The following PRCC variants were observed in gnomAD, a reference collection of about 807,000 sequenced individuals.
PRCC encodes proline-rich protein PRCC.
PRCC carries 10 observed loss-of-function variants against 44.0 expected under a neutral mutation model. The observed-to-expected ratio is 0.23, with a 90% CI of 0.14 to 0.39. PRCC has a LOEUF of 0.39. Among genes scored for constraint, PRCC ranks in the 10% least tolerant of loss-of-function variants. PRCC has a pLI of 1.00. For missense variants in PRCC, 573 were observed against 624.7 expected (o/e 0.92, Z 0.88); for synonymous variants, 278 against 259.5 (o/e 1.07, Z -0.69).
At position 156,792,450 on chromosome 1, in the gene PRCC, T is replaced by TTTG. The variant is rs1558054082; in HGVS notation, c.1179+660_1179+661insGTT. Among the ~76,000 whole-genome samples the TTTG allele has an allele frequency of 4.6e-5, 7 of 152,060 alleles. No individual in the cohort carries two copies. In the South Asian group the frequency reaches 1.5e-3, roughly 32 times the overall value. ...TCTAGTTGTTTGTGTTTTTTTTGTT[T>TTTG]TTTGTTTGTTTGTTTTGAGCAGAGT... On this transcript the variant is annotated intron_variant, in intron 4 of 6. Transcript: ENST00000271526.
At chr1:156,782,222 A>C (rs1652071859) in intron 1 of PRCC, 60 bp from the exon 2 acceptor site, 1 of 1,457,844 alleles carries the variant, frequency 6.9e-7, no homozygotes. Flanking sequence ...TGCTATATTT[A>C]ATGTGTTTCC....
intron 1 of PRCC, among the ~76,000 whole-genome samples, chr1:156,768,863 T>G (rs1651518179): frequency 6.6e-6 from 1 of 152,172 alleles, no homozygotes; most frequent in Admixed American, 6.5e-5. Context: ...CATGCACGAT[T>G]TTACCTGGTA....
At chr1:156,790,974 A>G (rs1652451468) in intron 3 of PRCC, 5 of 617,282 alleles carry the variant, frequency 8.1e-6, no homozygotes, top group Admixed American at 2.3e-5. Flanking sequence ...AGGAAAAAGT[A>G]TAGGCAAGGA....
At chr1:156,791,312 A>G (rs1302536653) in intron 3 of PRCC, 4 of 544,222 alleles carry the variant, frequency 7.3e-6, no homozygotes, top group Admixed American at 5.1e-5. Flanking sequence ...CCCTGCTCGC[A>G]TCGTAGCTCA....
chr1:156,791,762 C>T lies in PRCC; in HGVS notation c.1149C>T (p.Ala383=). The T allele has an allele frequency of 6.2e-7, 1 of 1,613,900 alleles. No homozygotes were observed. Among genetic ancestry groups the T allele is most frequent in the East Asian group, 2.2e-5 (1 of 44,862 alleles). Residue 383 remains alanine, a synonymous_variant, in exon 4 of 7, where the codon GCC becomes GCT. Coordinates refer to ENST00000271526, the MANE Select transcript of PRCC (RefSeq NM_005973.5). ...DPALVPPQEI[A]PDASFIDDEA... ...CCCTGGTCCCCCCCCAGGAAATTGC[C>T]CCAGATGCCTCCTTCATCGATGACG...
intron 6 of PRCC, among the ~76,000 whole-genome samples, chr1:156,798,722 G>A (rs746062812): frequency 9.9e-5 from 15 of 151,964 alleles, no homozygotes; most frequent in Middle Eastern, 3.4e-3. Flanking sequence ...CAGGCGTGGT[G>A]CCTGTAATTC....
intron 3 of PRCC, chr1:156,791,293 C>T: frequency 1.6e-6 from 1 of 612,816 alleles, no homozygotes; most frequent in Non-Finnish European, 2.8e-6. Flanking sequence ...ATGACGTATA[C>T]CTTCTCGTCC....
At chr1:156,783,782 TAAAATAA>T (rs1652134142) in intron 2 of PRCC, among the ~76,000 whole-genome samples, 2 of 151,354 alleles carry the variant, frequency 1.3e-5, no homozygotes, top group Admixed American at 6.6e-5. Flanking sequence ...TAAAATAAAA[TAAAATAA>T]AAAATAAAAA....
intron 1 of PRCC, among the ~76,000 whole-genome samples, chr1:156,770,606 C>T (rs775737345): frequency 4.6e-5 from 7 of 152,170 alleles, no homozygotes; most frequent in Non-Finnish European, 1.0e-4. Flanking sequence ...AACTCCTGAC[C>T]TCAGGTGATC....
In PRCC at chr1:156,768,192, A is replaced by G; in HGVS notation, c.421A>G (p.Arg141Gly). The G allele has an allele frequency of 6.5e-7, 1 of 1,549,512 alleles. No homozygotes were observed. The highest frequency in any genetic ancestry group is 2.0e-5 in the Admixed American group (1 of 51,148). Residue 141 changes from arginine (R) to glycine (G), a missense_variant, in exon 1 of 7, where the codon AGG becomes GGG. Transcript: ENST00000271526. ...PPLGLPKPKK[R>G]KEPVKIAAPE... ...GCTGGGGCTTCCCAAGCCAAAGAAG[A>G]GGAAAGAGCCCGTGAAGATCGCGGC... is the stretch of plus-strand genomic sequence containing the variant.
At chr1:156,783,603 A>G (rs1435568848) in intron 2 of PRCC, among the ~76,000 whole-genome samples, 1 of 151,958 alleles carries the variant, frequency 6.6e-6, no homozygotes, top group Non-Finnish European at 1.5e-5. Flanking sequence ...AAAATTAGCC[A>G]GGCGTGGTGA....
chr1:156,775,478 G>A (rs1651791877), intron 1 of PRCC, among the ~76,000 whole-genome samples: 2 of 151,348 alleles, frequency 1.3e-5, no homozygotes, highest in South Asian at 4.2e-4. Flanking sequence ...AGCCTTCTGA[G>A]TAGCTGGGAT....
intron 6 of PRCC, among the ~76,000 whole-genome samples, chr1:156,797,570 T>C (rs1364966545): frequency 2.0e-5 from 3 of 152,174 alleles, no homozygotes; most frequent in Non-Finnish European, 4.4e-5. Flanking sequence ...GTGCTTAGAA[T>C]AAAACTCTTA....
chr1:156,798,037 G>A (rs1652719578), intron 6 of PRCC, among the ~76,000 whole-genome samples: 1 of 151,178 alleles, frequency 6.6e-6, no homozygotes, highest in Admixed American at 6.6e-5. Context: ...GCCGTCTCCT[G>A]GGCTCAAATG....
intron 6 of PRCC, among the ~76,000 whole-genome samples, chr1:156,797,723 T>C (rs759674384): frequency 2.0e-5 from 3 of 152,178 alleles, no homozygotes; most frequent in Non-Finnish European, 4.4e-5. Context: ...AACATCCACC[T>C]GATGAAGAGG....
At chr1:156,773,234 G>A (rs1651697436) in intron 1 of PRCC, among the ~76,000 whole-genome samples, 1 of 152,138 alleles carries the variant, frequency 6.6e-6, no homozygotes, top group Non-Finnish European at 1.5e-5. Context: ...GCTAGTGATT[G>A]CTTTTTGGAG....
intron 6 of PRCC, among the ~76,000 whole-genome samples, chr1:156,798,545 C>T (rs1200053437): frequency 6.6e-6 from 1 of 152,152 alleles, no homozygotes; most frequent in Non-Finnish European, 1.5e-5. Context: ...AGCAGCACTT[C>T]GTATGGGTCT....
chr1:156,788,110 A>G (rs569975756), intron 3 of PRCC, among the ~76,000 whole-genome samples: 2 of 152,332 alleles, frequency 1.3e-5, no homozygotes, highest in African/African-American at 4.8e-5. Flanking sequence ...TGATGGAATT[A>G]TAGTGTGAGC....
rs532483370 is a variant in PRCC, at chr1:156,775,243, A to G, written c.468+7004A>G. Among the ~76,000 whole-genome samples the G allele has an allele frequency of 1.9e-3, 292 of 152,022 alleles. 1 individual carries two copies. Among genetic ancestry groups the G allele is most frequent in the Admixed American group, 6.5e-3 (99 of 15,258 alleles). Reference sequence around the variant, plus strand: ...AGCCTGGGCTGCAGAGGGAGGCTCCATCTCAAAAAAAAAATTGTTTTTGTG... The same window carrying G: ...AGCCTGGGCTGCAGAGGGAGGCTCCGTCTCAAAAAAAAAATTGTTTTTGTG... On this transcript the variant is annotated intron_variant, in intron 1 of 6. Coordinates refer to ENST00000271526, the MANE Select transcript of PRCC (RefSeq NM_005973.5).
Sources: allele counts gnomAD v4.1 joint callset (sites outside exome capture counted in the v4.1 genomes callset), GRCh38; gene constraint gnomAD v4.1.1; transcripts MANE v1.5; gene names NCBI Gene and HGNC (gene_info 2026-07-23, HGNC 2026-07-21).